Variants in HDAC7 observed in about 807,000 individuals in gnomAD.
HDAC7 encodes the protein histone deacetylase 7A.
Under a neutral mutation model 115.5 loss-of-function variants are expected in HDAC7, and 26 were observed. The observed-to-expected ratio is 0.23, with a 90% CI of 0.16 to 0.31. The LOEUF is 0.31. HDAC7 is among the 10% of genes least tolerant of loss of function. HDAC7 has a pLI of 1.00. For missense variants in HDAC7, 1,068 were observed against 1,329.0 expected (o/e 0.80, Z 3.05); for synonymous variants, 564 against 550.9 (o/e 1.02, Z -0.33).
rs773144806 is a variant in HDAC7, at chr12:47,797,037, C to T, written c.683G>A (p.Arg228Gln). Reference protein sequence around the residue: ...KESAPPSLRRRPAETLGDSSP... With the variant: ...KESAPPSLRRQPAETLGDSSP... ...CTCACCTCCGAGGGTCTCTGCGGGC[C>T]GCCGCCGGAGGCTGGGGGGCGCACT... is the stretch of plus-strand genomic sequence containing the variant. The change falls in exon 7 of 26, where the codon CGG becomes CAG. Residue 228 changes from arginine (R) to glutamine (Q), a missense_variant. Around this residue, in one of 6 missense-constraint regions of HDAC7, gnomAD observed 618 missense variants for 701.5 expected, o/e 0.88. Coordinates refer to ENST00000080059, the MANE Select transcript of HDAC7 (RefSeq NM_015401.5). This position sits in a 1 kb window ranked among gnomAD's most constrained non-coding sequence, Gnocchi z 5.5. The T allele has an allele frequency of 5.7e-6, 9 of 1,577,242 alleles. No homozygotes were observed. The highest frequency in any genetic ancestry group is 5.6e-5 in the Admixed American group (3 of 53,254).
intron 2 of HDAC7, among the ~76,000 whole-genome samples, chr12:47,800,873 A>T (rs1248655150): frequency 6.6e-6 from 1 of 152,222 alleles, no homozygotes; most frequent in African/African-American, 2.4e-5. Context: ...AGCCCTGGAA[A>T]TACTTTTCGA....
intron 15 of HDAC7, 59 bp downstream of exon 15, chr12:47,791,527 G>C (rs1454634062): frequency 6.4e-7 from 1 of 1,558,388 alleles, no homozygotes; most frequent in Non-Finnish European, 8.7e-7. Flanking sequence ...CGAGACAGGA[G>C]TGCATGGGAG....
Position 47,795,293 on chromosome 12 carries a change from A to C in HDAC7, c.1175T>G (p.Leu392Arg). 6.2e-7 allele frequency: 1 copy of C among 1,612,658 alleles called. No individual in the cohort carries two copies. ...RLSGSGLHWP[L>R]SRTRSEPLPP... ...CAGGGGCTCTGAGCGAGTCCGGCTC[A>C]GTGGCCAGTGGAGGCCTGACCCAGA... The change falls in exon 11 of 26, where the codon CTG becomes CGG. Residue 392 changes from leucine (L) to arginine (R), a missense_variant. Transcript: ENST00000080059. The surrounding 1 kb of genome is among the most constrained non-coding windows in gnomAD (Gnocchi z 4.3).
upstream of HDAC7, among the ~76,000 whole-genome samples, chr12:47,820,202 G>A (rs1944984934): frequency 6.6e-6 from 1 of 151,772 alleles, no homozygotes; most frequent in Non-Finnish European, 1.5e-5. The surrounding 1 kb of genome is among the most constrained non-coding windows in gnomAD (Gnocchi z 4.3). Context: ...GGCGCTCCGA[G>A]CCGTGCACAA....
At chr12:47,790,257 C>T (rs1681187109) in intron 16 of HDAC7, 1 of 324,950 alleles carries the variant, frequency 3.1e-6, no homozygotes, top group Non-Finnish European at 6.0e-6. Context: ...CCCCAGCTGA[C>T]TCTGCTCAGG....
intron 1 of HDAC7, among the ~76,000 whole-genome samples, chr12:47,812,178 C>T (rs1408736002): frequency 6.6e-6 from 1 of 152,254 alleles, no homozygotes; most frequent in Non-Finnish European, 1.5e-5. Flanking sequence ...GGTCCCTCCT[C>T]GCCCTGCCTC....
rs80095092 is a variant in HDAC7, at chr12:47,786,538, G to T, written c.2572+47C>A. 6.5e-6 allele frequency: 9 copies of T among 1,385,520 alleles called. No homozygotes were observed. In the Admixed American group the frequency reaches 1.4e-4, roughly 21 times the overall value. 85.8% of individuals were successfully genotyped at this position (1,385,520 alleles called of 1,614,324 possible). A position where few individuals can be genotyped will look rare whatever the true frequency, so the allele number is the denominator to read the frequency against. On this transcript the variant is annotated intron_variant, in intron 22 of 25. Transcript: ENST00000080059. ...GGAGTGCCTCCCAACTCCCCGCACC[G>T]CCTGGCTCTCTGTCCCTAACGTCCC...
At chr12:47,784,984 G>T in intron 24 of HDAC7, 1 of 598,250 alleles carries the variant, frequency 1.7e-6, no homozygotes, top group East Asian at 2.9e-5. Context: ...TACAAATGTG[G>T]GGGTTATCCC....
Position 47,795,092 on chromosome 12 carries a change from T to C in HDAC7, c.1284+92A>G, listed in dbSNP as rs546863735. 96 of 1,336,998 alleles carry C rather than the reference T, an allele frequency of 7.2e-5. No homozygotes were observed. The highest frequency in any genetic ancestry group is 1.2e-4 in the Admixed American group (6 of 51,182). The allele number at this position is 1,336,998 out of a possible 1,614,324, so 82.8% of individuals were successfully genotyped here. A position where few individuals can be genotyped will look rare whatever the true frequency, so the allele number is the denominator to read the frequency against. On this transcript the variant is annotated intron_variant, in intron 11 of 25. Coordinates refer to ENST00000080059, the MANE Select transcript of HDAC7 (RefSeq NM_015401.5). The surrounding 1 kb of genome is among the most constrained non-coding windows in gnomAD (Gnocchi z 4.3). ...CACATCCCCCTCTTTTGCCCTCCAG[T>C]TCCCTGCCCTTTCTAAGTACCCCTC...
intron 2 of HDAC7, 121 bp downstream of exon 2, chr12:47,802,103 C>T (rs780213584): frequency 1.3e-5 from 14 of 1,085,274 alleles, no homozygotes; most frequent in Non-Finnish European, 1.9e-5. Flanking sequence ...CACCTCCTGG[C>T]TCTCTGGCAG....
intron 1 of HDAC7, among the ~76,000 whole-genome samples, chr12:47,811,870 A>G (rs1944683510): frequency 6.6e-6 from 1 of 152,226 alleles, no homozygotes; most frequent in African/African-American, 2.4e-5. Context: ...GCTGGGCACA[A>G]AGTCAGGACT....
chr12:47,805,255 TG>T (rs1332186674), intron 1 of HDAC7, among the ~76,000 whole-genome samples: 3 of 150,648 alleles, frequency 2.0e-5, no homozygotes, highest in Non-Finnish European at 3.0e-5. Context: ...TGTTTTGTTT[TG>T]TTGTTTTTTT....
intron 1 of HDAC7, among the ~76,000 whole-genome samples, chr12:47,807,371 A>G (rs1944449940): frequency 6.6e-6 from 1 of 152,212 alleles, no homozygotes; most frequent in Non-Finnish European, 1.5e-5. Flanking sequence ...TTGCTAACTT[A>G]TCTAGTCCAC....
chr12:47,805,274 G>A (rs1944351421), intron 1 of HDAC7, among the ~76,000 whole-genome samples: 2 of 150,454 alleles, frequency 1.3e-5, no homozygotes, highest in South Asian at 2.1e-4. Flanking sequence ...TTTTTTTGTA[G>A]AGACGAAGTC....
At chr12:47,785,724 G>A (rs1422686136) in intron 23 of HDAC7, 28 bp downstream of exon 23, 1 of 1,592,860 alleles carries the variant, frequency 6.3e-7, no homozygotes, top group East Asian at 2.3e-5. Context: ...CCTGACAGAA[G>A]CATGGATGGG....
Position 47,798,873 on chromosome 12 carries a change from G to T in HDAC7, c.170C>A (p.Thr57Lys). 6.4e-7 allele frequency: 1 copy of T among 1,550,530 alleles called. No individual in the cohort carries two copies. Among genetic ancestry groups the T allele is most frequent in the South Asian group, 1.2e-5 (1 of 83,286 alleles). Reference protein sequence around the residue: ...RPPVEPPPEPTLLALQRPQRL... With the variant: ...RPPVEPPPEPKLLALQRPQRL... ...CTGGGGACGCTGCAGGGCCAGCAATGTGGGCTCTGGTGGGGGCTCCACTGG... is the reference window on the plus strand; with the variant it reads ...CTGGGGACGCTGCAGGGCCAGCAATTTGGGCTCTGGTGGGGGCTCCACTGG... The change falls in exon 3 of 26, where the codon ACA (threonine) becomes AAA (lysine). Residue 57 changes from threonine (T) to lysine (K), a missense_variant. By Grantham distance (78) the Thr-to-Lys change is moderately conservative. This residue lies in a region of HDAC7 where 161 missense variants were observed against 158.5 expected (regional missense o/e 1.02). Coordinates refer to ENST00000080059, the MANE Select transcript of HDAC7 (RefSeq NM_015401.5). This position sits in a 1 kb window ranked among gnomAD's most constrained non-coding sequence, Gnocchi z 4.3.
intron 7 of HDAC7, 143 bp from the exon 8 acceptor site, chr12:47,796,441 T>TTTTTGG (rs1565810770): frequency 1.8e-6 from 1 of 555,688 alleles, no homozygotes; most frequent in Non-Finnish European, 3.1e-6. Flanking sequence ...TTTTTTTTTT[T>TTTTTGG]GAGACAGAGT....
At position 47,789,569 on chromosome 12, in the gene HDAC7, C is replaced by A. The variant is rs1488862815; in HGVS notation, c.2101G>T (p.Ala701Ser). 1 of 1,614,156 alleles carries A rather than the reference C, an allele frequency of 6.2e-7. No homozygotes were observed. The highest frequency in any genetic ancestry group is 1.1e-5 in the South Asian group (1 of 91,084). Residue 701 changes from alanine (A) to serine (S), a missense_variant, in exon 18 of 26, where the codon GCT (alanine) becomes TCT (serine). By Grantham distance (99) the Ala-to-Ser change is moderately conservative (BLOSUM62 1). Transcript: ENST00000080059. ...TGGTGTCCTGGGGGCCGCACCACAG[C>A]GAAACCATTCTGGAAAAAGAAAGAA... ...VASRELKNGF[A>S]VVRPPGHHAD... is the part of the protein sequence containing the mutation.
At chr12:47,816,380 C>T (rs916033976) in intron 1 of HDAC7, among the ~76,000 whole-genome samples, 27 of 152,196 alleles carry the variant, frequency 1.8e-4, no homozygotes, top group Admixed American at 1.8e-3. Context: ...TTACCCCACA[C>T]AGGGCCATAA....
Sources: gnomAD v4.1 joint callset for allele counts (sites outside exome capture counted in the v4.1 genomes callset) on GRCh38, gnomAD v4.1.1 for gene constraint, gnomAD v4.1.1 regional missense constraint, Gnocchi (gnomAD v3.1) non-coding constraint, MANE v1.5 for transcripts, NCBI Gene and HGNC (gene_info 2026-07-23, HGNC 2026-07-21) for gene names.